CHL1: variants seen among roughly 807,000 people sequenced by gnomAD.
CHL1 encodes neural cell adhesion molecule L1-like protein.
Under a neutral mutation model 141.9 loss-of-function variants are expected in CHL1, and 96 were observed. That is an observed-to-expected ratio of 0.68 (90% confidence interval 0.57 to 0.80). The LOEUF is 0.80. Among genes scored for constraint, CHL1 ranks in the 30% least tolerant of loss-of-function variants. CHL1 has a pLI of 0.00. For synonymous variants in CHL1, 613 were observed against 502.2 expected (o/e 1.22, Z -2.95); for missense variants, 1,820 against 1,457.2 (o/e 1.25, Z -4.05).
chr3:356,178 T>G (rs567153742), intron 11 of CHL1, among the ~76,000 whole-genome samples: 1 of 152,302 alleles, frequency 6.6e-6, no homozygotes, highest in South Asian at 2.1e-4. Context: ...TGAAAAATAA[T>G]AATGAGGTTT....
intron 2 of CHL1, among the ~76,000 whole-genome samples, chr3:284,367 A>T (rs1335407132): frequency 6.6e-6 from 1 of 152,200 alleles, no homozygotes; most frequent in Non-Finnish European, 1.5e-5. Flanking sequence ...TTATGCTAGG[A>T]GTGCAAAAGG....
intron 2 of CHL1, chr3:282,905 T>C (rs1696793200): frequency 6.6e-6 from 1 of 152,216 alleles, no homozygotes; most frequent in African/African-American, 2.4e-5. Flanking sequence ...GACTATACTG[T>C]ATAGAATACA....
chr3:391,613 A>C, intron 22 of CHL1, 62 bp from the exon 23 acceptor site: 1 of 1,200,594 alleles, frequency 8.3e-7, no homozygotes, highest in Non-Finnish European at 1.2e-6. Context: ...TTTATAATAT[A>C]ATAAGGCTTT....
intron 5 of CHL1, among the ~76,000 whole-genome samples, chr3:338,535 A>G (rs1702115031): frequency 6.6e-6 from 1 of 152,140 alleles, no homozygotes; most frequent in Non-Finnish European, 1.5e-5. Context: ...TAAAATTTTC[A>G]CTTTTTATCG....
intron 4 of CHL1, among the ~76,000 whole-genome samples, chr3:327,793 T>C (rs1211602445): frequency 1.3e-5 from 2 of 151,994 alleles, no homozygotes; most frequent in African/African-American, 2.4e-5. Context: ...ACTGGGCTTA[T>C]CTGTTTTGGG....
At chr3:386,177 C>G (rs943788440) in intron 19 of CHL1, among the ~76,000 whole-genome samples, 4 of 140,900 alleles carry the variant, frequency 2.8e-5, no homozygotes, top group Admixed American at 1.5e-4. Context: ...TAATTCCTAT[C>G]TACATGATAA....
chr3:392,689 A>G (rs1178308420), intron 23 of CHL1, among the ~76,000 whole-genome samples: 2 of 152,210 alleles, frequency 1.3e-5, no homozygotes, highest in Non-Finnish European at 2.9e-5. Flanking sequence ...CAACTTGATC[A>G]TAGTCCTGTT....
At chr3:314,901 G>A (rs545384183) in intron 2 of CHL1, among the ~76,000 whole-genome samples, 4 of 152,228 alleles carry the variant, frequency 2.6e-5, no homozygotes, top group East Asian at 1.9e-4. Flanking sequence ...ACAAAGAGGG[G>A]AAGAGAATCA....
At chr3:348,226 C>T (rs1239146863) in intron 9 of CHL1, among the ~76,000 whole-genome samples, 1 of 152,134 alleles carries the variant, frequency 6.6e-6, no homozygotes, top group Non-Finnish European at 1.5e-5. Context: ...TCATTTATTG[C>T]TCCAGTGACC....
At chr3:379,621 T>C (rs1559334518) in intron 16 of CHL1, among the ~76,000 whole-genome samples, 1 of 152,134 alleles carries the variant, frequency 6.6e-6, no homozygotes, top group Non-Finnish European at 1.5e-5. Context: ...CTTCTCAATT[T>C]CCTTACAAAA....
chr3:338,267 G>A (rs1330476773), intron 5 of CHL1, among the ~76,000 whole-genome samples: 3 of 152,154 alleles, frequency 2.0e-5, no homozygotes, highest in Non-Finnish European at 2.9e-5. Flanking sequence ...TGTTGATGAA[G>A]TACCCATGTG....
At chr3:306,599 T>C (rs945559505) in intron 2 of CHL1, among the ~76,000 whole-genome samples, 1 of 152,182 alleles carries the variant, frequency 6.6e-6, no homozygotes, top group Admixed American at 6.6e-5. Context: ...TAAAGTTTTT[T>C]GTATCACTGT....
chr3:302,420 T>G (rs886685690), intron 2 of CHL1, among the ~76,000 whole-genome samples: 3 of 152,254 alleles, frequency 2.0e-5, no homozygotes, highest in Non-Finnish European at 4.4e-5. Flanking sequence ...GTTTCCTGAC[T>G]TTTTAAAGAT....
chr3:345,523 A>G (rs972341149), intron 9 of CHL1, among the ~76,000 whole-genome samples: 6 of 151,796 alleles, frequency 4.0e-5, no homozygotes, highest in South Asian at 2.1e-4. Flanking sequence ...TCACTCTGTC[A>G]CCCATGCTGG....
At position 249,110 on chromosome 3, in the gene CHL1, C is replaced by A. The variant is rs1574854170; in HGVS notation, c.-95+4418C>A. 2.0e-5 allele frequency among the ~76,000 whole-genome samples: 3 copies of A among 152,296 alleles called. 1 individual carries two copies. The South Asian group carries it at 6.2e-4, about 32-fold the overall frequency. On this transcript the variant is annotated intron_variant, in intron 2 of 27. Coordinates refer to ENST00000256509, the MANE Select transcript of CHL1 (RefSeq NM_006614.4). ...CTAAACAGTGGATTTTATTGGACTG[C>A]ACACGCGTGCAGAGATTTGGCAGAT...
chr3:313,158 T>C (rs1699890482), intron 2 of CHL1, among the ~76,000 whole-genome samples: 1 of 152,152 alleles, frequency 6.6e-6, no homozygotes, highest in Non-Finnish European at 1.5e-5. Flanking sequence ...CTTTGTGTAG[T>C]TGCTGCCATA....
chr3:319,932 A>T, intron 3 of CHL1, 65 bp downstream of exon 3: 4 of 882,362 alleles, frequency 4.5e-6, no homozygotes, highest in Non-Finnish European at 7.3e-6. Context: ...TTTTAAGTAG[A>T]ATACTTATGG....
chr3:268,122 T>A (rs896646858), intron 2 of CHL1, among the ~76,000 whole-genome samples: 7 of 152,210 alleles, frequency 4.6e-5, no homozygotes, highest in Non-Finnish European at 1.0e-4. Context: ...ATCCTTTACA[T>A]AAAAATGAAA....
chr3:270,311 A>T (rs1695529917), intron 2 of CHL1, among the ~76,000 whole-genome samples: 1 of 152,224 alleles, frequency 6.6e-6, no homozygotes, highest in East Asian at 1.9e-4. Context: ...TTGATAAACC[A>T]GTTACAGCTG....
Sources: allele counts gnomAD v4.1 joint callset (sites outside exome capture counted in the v4.1 genomes callset), GRCh38; gene constraint gnomAD v4.1.1; transcripts MANE v1.5; gene names NCBI Gene and HGNC (gene_info 2026-07-23, HGNC 2026-07-21).